The following MTCL3 variants were observed in gnomAD, a reference collection of about 807,000 sequenced individuals.
MTCL3 encodes microtubule cross-linking factor 3.
At chr6:127,515,583 C>CTGCGGG in the MTCL3 span, 1 of 1,442,030 alleles carries the variant, frequency 6.9e-7, no homozygotes, top group South Asian at 1.6e-5. The surrounding 1 kb of genome is among the most constrained non-coding windows in gnomAD (Gnocchi z 4.3). Flanking sequence ...CTTGGAGCTG[C>CTGCGGG]TGCGGGTGCG....
At chr6:127,473,652 A>G in the MTCL3 span, among the ~76,000 whole-genome samples, 1 of 152,216 alleles carries the variant, frequency 6.6e-6, no homozygotes, top group Non-Finnish European at 1.5e-5. Context: ...TTTTCATAGC[A>G]AAGCAGAGCA....
the MTCL3 span, among the ~76,000 whole-genome samples, chr6:127,506,993 T>C: frequency 1.3e-5 from 2 of 152,214 alleles, no homozygotes; most frequent in Non-Finnish European, 2.9e-5. Context: ...AAATTGCTAA[T>C]CTCACAGAGC....
chr6:127,515,233 C>T, the MTCL3 span, among the ~76,000 whole-genome samples: 4 of 152,144 alleles, frequency 2.6e-5, no homozygotes, highest in Middle Eastern at 3.2e-3. The surrounding 1 kb of genome is among the most constrained non-coding windows in gnomAD (Gnocchi z 4.3). Context: ...TTTAGGCCCT[C>T]TCTCGTTCTC....
the MTCL3 span, among the ~76,000 whole-genome samples, chr6:127,512,412 C>T: frequency 3.0e-4 from 45 of 152,042 alleles, no homozygotes; most frequent in East Asian, 1.2e-3. Context: ...TAGAACATTG[C>T]GGGAAGGGCT....
At chr6:127,497,206 A>T in the MTCL3 span, among the ~76,000 whole-genome samples, 1 of 152,204 alleles carries the variant, frequency 6.6e-6, no homozygotes, top group African/African-American at 2.4e-5. Flanking sequence ...AAAGTTATTT[A>T]AAAAATCAAT....
the MTCL3 span, among the ~76,000 whole-genome samples, chr6:127,485,242 C>T: frequency 6.6e-6 from 1 of 151,808 alleles, no homozygotes; most frequent in Non-Finnish European, 1.5e-5. Flanking sequence ...TATCTAGAAT[C>T]TGGTGCATGA....
At chr6:127,475,077 G>A in the MTCL3 span, among the ~76,000 whole-genome samples, 1 of 152,238 alleles carries the variant, frequency 6.6e-6, no homozygotes, top group Non-Finnish European at 1.5e-5. This position sits in a 1 kb window ranked among gnomAD's most constrained non-coding sequence, Gnocchi z 7.3. Context: ...AAGAAATGGT[G>A]ACTATGTGAT....
the MTCL3 span, among the ~76,000 whole-genome samples, chr6:127,484,487 G>A: frequency 1.5e-4 from 23 of 152,280 alleles, no homozygotes; most frequent in Non-Finnish European, 2.8e-4. Context: ...AGAATAAAGT[G>A]AGCTAAACTA....
At chr6:127,504,218 C>G in the MTCL3 span, among the ~76,000 whole-genome samples, 1 of 152,148 alleles carries the variant, frequency 6.6e-6, no homozygotes, top group African/African-American at 2.4e-5. Context: ...CTCTTGTCCT[C>G]TTAGAACTCA....
chr6:127,486,026 A>G, the MTCL3 span, among the ~76,000 whole-genome samples: 1 of 152,222 alleles, frequency 6.6e-6, no homozygotes, highest in African/African-American at 2.4e-5. Flanking sequence ...AGGTAGGGCC[A>G]CTGTAGAGAT....
At chr6:127,500,971 C>A in the MTCL3 span, among the ~76,000 whole-genome samples, 7 of 152,178 alleles carry the variant, frequency 4.6e-5, no homozygotes, top group Non-Finnish European at 1.0e-4. Context: ...GCCATCACGC[C>A]TGGCTAATTT....
the MTCL3 span, among the ~76,000 whole-genome samples, chr6:127,486,222 G>A: frequency 1.8e-4 from 27 of 152,280 alleles, no homozygotes; most frequent in Non-Finnish European, 3.8e-4. Context: ...CAGGTGGAGT[G>A]TTAAGCTCAA....
chr6:127,495,909 C>A, the MTCL3 span, among the ~76,000 whole-genome samples: 1 of 152,118 alleles, frequency 6.6e-6, no homozygotes, highest in Admixed American at 6.5e-5. Flanking sequence ...TATGGCATGG[C>A]AACGCTGGGT....
At chr6:127,480,221 A>G in the MTCL3 span, among the ~76,000 whole-genome samples, 1 of 152,232 alleles carries the variant, frequency 6.6e-6, no homozygotes, top group Non-Finnish European at 1.5e-5. Flanking sequence ...ATATTAACTC[A>G]TTTAGTTTGT....
chr6:127,510,872 C>A, the MTCL3 span, among the ~76,000 whole-genome samples: 2 of 152,130 alleles, frequency 1.3e-5, no homozygotes, highest in Non-Finnish European at 1.5e-5. Flanking sequence ...AGTCCTAACC[C>A]CCAGCTGCTC....
chr6:127,483,360 T>C, the MTCL3 span, among the ~76,000 whole-genome samples: 3 of 152,206 alleles, frequency 2.0e-5, no homozygotes, highest in Non-Finnish European at 4.4e-5. Flanking sequence ...TTATTTCCAA[T>C]GTTGGGAGTT....
chr6:127,481,461 T>C, the MTCL3 span: 1 of 985,398 alleles, frequency 1.0e-6, no homozygotes, highest in African/African-American at 1.7e-5. Context: ...GGTCCATACA[T>C]GTTCTGGTGC....
the MTCL3 span, among the ~76,000 whole-genome samples, chr6:127,506,090 A>G: frequency 6.6e-6 from 1 of 152,210 alleles, no homozygotes; most frequent in African/African-American, 2.4e-5. Context: ...GTCATAGGGA[A>G]TGACAGATGA....
chr6:127,487,051 T>C, the MTCL3 span, among the ~76,000 whole-genome samples: 1 of 152,198 alleles, frequency 6.6e-6, no homozygotes, highest in Non-Finnish European at 1.5e-5. Flanking sequence ...ATATGTGTCA[T>C]GCACTTTTCT....
Sources: gnomAD v4.1 joint callset for allele counts (sites outside exome capture counted in the v4.1 genomes callset) on GRCh38, gnomAD v4.1.1 for gene constraint, Gnocchi (gnomAD v3.1) non-coding constraint, MANE v1.5 for transcripts, NCBI Gene and HGNC (gene_info 2026-07-23, HGNC 2026-07-21) for gene names.